PSD3: variants seen among roughly 807,000 people sequenced by gnomAD.
The protein encoded by PSD3 is PH and SEC7 domain-containing protein 3.
Under a neutral mutation model 105.5 loss-of-function variants are expected in PSD3, and 49 were observed. The observed-to-expected ratio is 0.46, with a 90% CI of 0.37 to 0.59. The LOEUF is 0.59. PSD3 is among the 20% of genes least tolerant of loss of function. The pLI, the probability that PSD3 is intolerant of heterozygous loss-of-function variation, is 0.00. For missense variants in PSD3, 1,561 were observed against 1,263.8 expected, an observed-to-expected ratio of 1.24 and a Z score of -3.57; for synonymous variants, 557 against 457.8, an observed-to-expected ratio of 1.22 and a Z score of -2.77.
intron 4 of PSD3, among the ~76,000 whole-genome samples, chr8:18,840,131 A>T (rs1290392342): frequency 6.6e-6 from 1 of 152,174 alleles, no homozygotes; most frequent in Non-Finnish European, 1.5e-5. Flanking sequence ...CTCCACAGTA[A>T]ATCAAAGGAA....
intron 9 of PSD3, among the ~76,000 whole-genome samples, chr8:18,657,385 A>G (rs577869382): frequency 6.6e-6 from 1 of 152,360 alleles, no homozygotes; most frequent in Non-Finnish European, 1.5e-5. Context: ...AAACTTCATG[A>G]AAGTTCTCAA....
chr8:18,843,719 A>G (rs1457003403), intron 4 of PSD3, among the ~76,000 whole-genome samples: 1 of 152,188 alleles, frequency 6.6e-6, no homozygotes, highest in African/African-American at 2.4e-5. Flanking sequence ...GGGAACTAAT[A>G]TCAAAAGCAT....
rs1314324033 is a variant in PSD3 at position 18,575,271 on chromosome 8, T to C, written c.2496A>G (p.Pro832=). 1 of 1,609,454 alleles carries C rather than the reference T, an allele frequency of 6.2e-7. No homozygotes were observed. The highest frequency in any genetic ancestry group is 2.2e-5 in the East Asian group (1 of 44,670). ...AGTCCTCTTCAGACAAGGCCTTTTC[T>C]GGCTTGTATTCATCCTATAGATGGA... ...VLYLQKDEYK[P]EKALSEEDLK... is the part of the protein sequence containing the mutation. Residue 832 remains proline, a synonymous_variant, in exon 13 of 16, where the codon CCA becomes CCG. Transcript: ENST00000327040.
At chr8:18,771,438 C>A (rs893517487) in intron 8 of PSD3, among the ~76,000 whole-genome samples, 1 of 152,186 alleles carries the variant, frequency 6.6e-6, no homozygotes, top group East Asian at 1.9e-4. Flanking sequence ...CCTAATCCAA[C>A]ATCACAAAGA....
intron 9 of PSD3, among the ~76,000 whole-genome samples, chr8:18,762,116 G>A (rs776859326): frequency 3.9e-5 from 6 of 152,142 alleles, no homozygotes; most frequent in Admixed American, 6.5e-5. Context: ...ATAATAATCC[G>A]TAGTACTGGA....
intron 2 of PSD3, among the ~76,000 whole-genome samples, chr8:18,913,189 G>T (rs1191789289): frequency 6.6e-6 from 1 of 150,904 alleles, no homozygotes; most frequent in South Asian, 2.1e-4. Flanking sequence ...GTCTTTATTG[G>T]ACTGGACTCA....
intron 15 of PSD3, among the ~76,000 whole-genome samples, chr8:18,543,604 C>T (rs1013885218): frequency 1.3e-5 from 2 of 150,712 alleles, no homozygotes; most frequent in African/African-American, 2.4e-5. Context: ...GGCGACAGAG[C>T]GAGACTCTCT....
chr8:18,869,554 C>T (rs1817186334), intron 3 of PSD3, among the ~76,000 whole-genome samples: 1 of 152,192 alleles, frequency 6.6e-6, no homozygotes, highest in African/African-American at 2.4e-5. Context: ...TGGCTTCACA[C>T]ATCTGCAGGA....
At chr8:18,624,635 ATG>A (rs1240434445) in intron 11 of PSD3, among the ~76,000 whole-genome samples, 1 of 150,254 alleles carries the variant, frequency 6.7e-6, no homozygotes, top group Non-Finnish European at 1.5e-5. Flanking sequence ...ATGTATACAT[ATG>A]TAACTAACCT....
At chr8:18,538,227 G>T (rs981017077) in intron 15 of PSD3, among the ~76,000 whole-genome samples, 6 of 152,212 alleles carry the variant, frequency 3.9e-5, no homozygotes, top group Non-Finnish European at 7.3e-5. Flanking sequence ...GTTATTTGCA[G>T]TTTAAAGCAT....
chr8:19,020,563 G>A (rs1563513701), intron 1 of PSD3, among the ~76,000 whole-genome samples: 1 of 152,044 alleles, frequency 6.6e-6, no homozygotes, highest in East Asian at 1.9e-4. Flanking sequence ...TAGATTTTGA[G>A]CAGAGGGGTA....
At chr8:18,671,632 G>C (rs556303807) in intron 9 of PSD3, among the ~76,000 whole-genome samples, 1 of 148,846 alleles carries the variant, frequency 6.7e-6, no homozygotes, top group South Asian at 2.1e-4. Context: ...TTGTTTTTTT[G>C]TTTTTTGTTT....
intron 12 of PSD3, among the ~76,000 whole-genome samples, chr8:18,581,325 A>G (rs988933927): frequency 6.6e-6 from 1 of 152,172 alleles, no homozygotes; most frequent in Non-Finnish European, 1.5e-5. Context: ...TCACATTCCC[A>G]TAGTAATAAT....
intron 2 of PSD3, among the ~76,000 whole-genome samples, chr8:18,916,653 G>T (rs114267138): frequency 2.8e-3 from 425 of 151,936 alleles, no homozygotes; most frequent in African/African-American, 9.9e-3. Context: ...ACATTCTAGA[G>T]ATCTGTCAGA....
chr8:18,901,348 T>A (rs999763721), intron 2 of PSD3, among the ~76,000 whole-genome samples: 1 of 152,250 alleles, frequency 6.6e-6, no homozygotes, highest in African/African-American at 2.4e-5. Context: ...GTAGGCAGCA[T>A]AGAGCTGGGT....
chr8:18,653,562 C>T (rs912788095), intron 10 of PSD3, among the ~76,000 whole-genome samples: 1 of 152,096 alleles, frequency 6.6e-6, no homozygotes, highest in African/African-American at 2.4e-5. Context: ...CCAGCTACTA[C>T]ATGAAAAAGC....
Position 18,871,609 on chromosome 8 carries a change from C to A in PSD3, c.1238+17G>T. On this transcript the variant is annotated intron_variant, in intron 3 of 15. Transcript: ENST00000327040. ...GTACCAGGCATCTGAGACAGCAGGGCTACTATGGGAGCTCACCTTTCCCTG... is the reference window on the plus strand; with the variant it reads ...GTACCAGGCATCTGAGACAGCAGGGATACTATGGGAGCTCACCTTTCCCTG... 3.8e-6 allele frequency: 6 copies of A among 1,574,916 alleles called. No homozygotes were observed. The highest frequency in any genetic ancestry group is 5.2e-6 in the Non-Finnish European group (6 of 1,162,902).
At chr8:18,609,266 G>A (rs929456185) in intron 11 of PSD3, among the ~76,000 whole-genome samples, 12 of 152,176 alleles carry the variant, frequency 7.9e-5, no homozygotes, top group Non-Finnish European at 1.3e-4. Flanking sequence ...GAGTCTTGGC[G>A]TGAAGGCCGA....
At chr8:18,970,820 C>A (rs180686278) in intron 1 of PSD3, among the ~76,000 whole-genome samples, 3 of 151,574 alleles carry the variant, frequency 2.0e-5, no homozygotes, top group African/African-American at 7.3e-5. Flanking sequence ...CTGGGCGTGG[C>A]GGTGTGCACC....
Sources: allele counts gnomAD v4.1 joint callset (sites outside exome capture counted in the v4.1 genomes callset), GRCh38; gene constraint gnomAD v4.1.1; transcripts MANE v1.5; gene names NCBI Gene and HGNC (gene_info 2026-07-23, HGNC 2026-07-21).